The following ERBB4 variants were observed in gnomAD, a reference collection of about 807,000 sequenced individuals.
ERBB4 encodes erb-b2 receptor tyrosine kinase 4.
A neutral mutation model predicts 158.0 loss-of-function variants in ERBB4; 42 were observed. The observed-to-expected ratio is 0.27, with a 90% CI of 0.21 to 0.34. ERBB4 has a LOEUF of 0.34. Ranked by LOEUF, ERBB4 falls within the 10% of genes least tolerant of loss-of-function variation. The pLI, the probability that ERBB4 is intolerant of heterozygous loss-of-function variation, is 1.00. For missense variants in ERBB4, 1,333 were observed against 1,624.1 expected (o/e 0.82, Z 3.08); for synonymous variants, 583 against 558.7 (o/e 1.04, Z -0.61).
Position 211,709,254 on chromosome 2 carries a change from CATAT to C in ERBB4, c.1124+2792_1124+2795del, listed in dbSNP as rs200613120. On this transcript the variant is annotated intron_variant, in intron 9 of 27. Coordinates refer to ENST00000342788, the MANE Select transcript of ERBB4 (RefSeq NM_005235.3). ...GTGTGTGTATATATATATATATACA[CATAT>C]ATATATATATATATATACATACATA... Among the ~76,000 whole-genome samples the C allele has an allele frequency of 6.8e-3, 689 of 101,484 alleles. 8 individuals are homozygous for C. Among genetic ancestry groups the C allele is most frequent in the East Asian group, 0.023 (100 of 4,428 alleles). The allele number at this position is 101,484 out of a possible 152,430, so 66.6% of individuals were successfully genotyped here.
intron 1 of ERBB4, among the ~76,000 whole-genome samples, chr2:212,501,004 C>T (rs906860131): frequency 2.6e-5 from 4 of 152,048 alleles, no homozygotes; most frequent in Non-Finnish European, 5.9e-5. Context: ...TCAAAAGACT[C>T]TCAAGGGAAC....
At chr2:211,724,344 CT>C (rs1392876275) in intron 6 of ERBB4, among the ~76,000 whole-genome samples, 1 of 145,306 alleles carries the variant, frequency 6.9e-6, no homozygotes. Flanking sequence ...AATTAAGTGT[CT>C]TTCTTTTTTT....
chr2:211,597,371 G>A (rs901213914), intron 19 of ERBB4, among the ~76,000 whole-genome samples: 13 of 152,140 alleles, frequency 8.5e-5, no homozygotes, highest in African/African-American at 2.7e-4. Flanking sequence ...TTCTATGAGT[G>A]TATATTAGTT....
chr2:211,820,858 GCAGAAAAT>G (rs1355543047), intron 3 of ERBB4, among the ~76,000 whole-genome samples: 1 of 151,734 alleles, frequency 6.6e-6, no homozygotes, highest in African/African-American at 2.4e-5. Context: ...CTTAATGGAT[GCAGAAAAT>G]CAGGATAAGA....
At chr2:211,722,733 T>C (rs1204769091) in intron 6 of ERBB4, among the ~76,000 whole-genome samples, 199 bp from the exon 7 acceptor site, 1 of 152,246 alleles carries the variant, frequency 6.6e-6, no homozygotes, top group Admixed American at 6.5e-5. Flanking sequence ...AATTTATGGC[T>C]ACTGATGCTC....
intron 1 of ERBB4, among the ~76,000 whole-genome samples, chr2:212,446,218 T>G (rs1021937760): frequency 2.0e-5 from 3 of 151,996 alleles, no homozygotes; most frequent in African/African-American, 7.3e-5. Flanking sequence ...TAATACTGAG[T>G]GTCAACTTGA....
At chr2:212,331,604 T>C (rs1033626312) in intron 1 of ERBB4, among the ~76,000 whole-genome samples, 1 of 141,026 alleles carries the variant, frequency 7.1e-6, no homozygotes, top group African/African-American at 3.2e-5. Flanking sequence ...CTAGAGATAA[T>C]ATTACCAAAC....
chr2:211,773,931 C>T lies in ERBB4; in HGVS notation c.556+14094G>A, dbSNP rs377121479. 4.0e-4 allele frequency among the ~76,000 whole-genome samples: 61 copies of T among 151,784 alleles called. 1 individual carries two copies. In the South Asian group the frequency reaches 0.012, roughly 29 times the overall value. ...ACATTGAGGTTGTAAACCCTATTGT[C>T]GATATGGACTCTAGAACAGGATTGT... On this transcript the variant is annotated intron_variant, in intron 4 of 27. Transcript: ENST00000342788.
intron 2 of ERBB4, among the ~76,000 whole-genome samples, chr2:212,045,163 G>A (rs777555378): frequency 2.0e-5 from 3 of 152,068 alleles, no homozygotes; most frequent in Non-Finnish European, 4.4e-5. Flanking sequence ...AATATACTAC[G>A]TGAGAATAAA....
At chr2:211,831,261 C>T (rs1430204920) in intron 3 of ERBB4, among the ~76,000 whole-genome samples, 1 of 152,074 alleles carries the variant, frequency 6.6e-6, no homozygotes, top group Non-Finnish European at 1.5e-5. Flanking sequence ...AAAGGCAACC[C>T]TCGTGTCCAC....
intron 12 of ERBB4, among the ~76,000 whole-genome samples, chr2:211,699,645 C>T (rs2073158373): frequency 6.6e-6 from 1 of 151,988 alleles, no homozygotes; most frequent in Non-Finnish European, 1.5e-5. Context: ...TATGTTTCTC[C>T]TAACTGCTTC....
chr2:212,503,841 G>A (rs1369785708), intron 1 of ERBB4, among the ~76,000 whole-genome samples: 1 of 151,842 alleles, frequency 6.6e-6, no homozygotes, highest in Non-Finnish European at 1.5e-5. Context: ...GCCAGTTACA[G>A]CCAGAGTTAT....
At chr2:211,595,041 C>G (rs201981298) in intron 19 of ERBB4, among the ~76,000 whole-genome samples, 2 of 152,106 alleles carry the variant, frequency 1.3e-5, no homozygotes, top group East Asian at 3.9e-4. Flanking sequence ...TTACATATAC[C>G]TAGGAAGTGG....
At chr2:212,262,191 A>C (rs2084970011) in intron 1 of ERBB4, among the ~76,000 whole-genome samples, 1 of 152,190 alleles carries the variant, frequency 6.6e-6, no homozygotes, top group Non-Finnish European at 1.5e-5. Context: ...TCATAAAAGT[A>C]GATGGCTTTT....
intron 3 of ERBB4, among the ~76,000 whole-genome samples, chr2:211,819,061 G>T (rs2076936906): frequency 6.6e-6 from 1 of 152,046 alleles, no homozygotes; most frequent in Non-Finnish European, 1.5e-5. Context: ...GATGCCACAA[G>T]ATAAAACCCA....
chr2:211,980,601 T>C (rs1024135609), intron 2 of ERBB4, among the ~76,000 whole-genome samples: 1 of 152,216 alleles, frequency 6.6e-6, no homozygotes, highest in Non-Finnish European at 1.5e-5. Flanking sequence ...CCCTGATATG[T>C]GTACCTGTTG....
chr2:212,184,851 AT>A (rs908339377), intron 1 of ERBB4, among the ~76,000 whole-genome samples: 5 of 151,750 alleles, frequency 3.3e-5, no homozygotes, highest in Non-Finnish European at 5.9e-5. Context: ...GAAAATAAGT[AT>A]TTTTTTTCTT....
intron 1 of ERBB4, among the ~76,000 whole-genome samples, chr2:212,256,704 G>A (rs1186599378): frequency 6.6e-6 from 1 of 152,070 alleles, no homozygotes. Flanking sequence ...GCATCTCTGG[G>A]CCAATGAGGA....
intron 2 of ERBB4, among the ~76,000 whole-genome samples, chr2:211,997,865 C>T (rs2125271604): frequency 6.7e-6 from 1 of 150,044 alleles, no homozygotes; most frequent in Non-Finnish European, 1.5e-5. Flanking sequence ...TGAATTATTT[C>T]ATATAGCCTA....
Sources: gnomAD v4.1 joint callset for allele counts (sites outside exome capture counted in the v4.1 genomes callset) on GRCh38, gnomAD v4.1.1 for gene constraint, MANE v1.5 for transcripts, NCBI Gene and HGNC (gene_info 2026-07-23, HGNC 2026-07-21) for gene names.